Variants in SPTBN5 observed in about 807,000 individuals in gnomAD.
The protein encoded by SPTBN5 is spectrin beta, non-erythrocytic 5.
In SPTBN5, 513 loss-of-function variants were observed where a neutral mutation model predicts 477.6. That is an observed-to-expected ratio of 1.07 (90% CI 1.00 to 1.16). The LOEUF (loss-of-function observed/expected upper bound fraction) is 1.16. SPTBN5 is among the 50% of genes most tolerant of loss of function. SPTBN5 has a pLI of 0.00. For missense variants in SPTBN5, 5,062 were observed against 4,731.8 expected (o/e 1.07, Z -2.05); for synonymous variants, 2,169 against 2,011.7 (o/e 1.08, Z -2.09).
Position 41,876,660 on chromosome 15 carries a change from G to GGC in SPTBN5, c.3852-14_3852-13insGC. On this transcript the variant is annotated splice_polypyrimidine_tract_variant and intron_variant, in intron 19 of 67. Coordinates refer to ENST00000320955, the MANE Select transcript of SPTBN5 (RefSeq NM_016642.4). ...CTGCTCTCTGACCCTGGAGGGCGGGGGGGGGTTGGAGGAGGGCATGGGAGA... is the reference window on the plus strand; with the variant it reads ...CTGCTCTCTGACCCTGGAGGGCGGGGGCGGGGGTTGGAGGAGGGCATGGGAGA... The GGC allele has an allele frequency of 1.4e-6, 2 of 1,453,882 alleles. No individual in the cohort carries two copies. Among genetic ancestry groups the GGC allele is most frequent in the Admixed American group, 1.8e-5 (1 of 57,024 alleles). 90.1% of individuals were successfully genotyped at this position (1,453,882 alleles called of 1,614,324 possible).
At chr15:41,863,330 C>T (rs556081302) in intron 41 of SPTBN5, among the ~76,000 whole-genome samples, 23 of 152,302 alleles carry the variant, frequency 1.5e-4, no homozygotes, top group Admixed American at 3.3e-4. Flanking sequence ...GATTCCAGCC[C>T]GGGGCTCTGT....
rs532973937 is a variant in SPTBN5 at position 41,874,397 on chromosome 15, C to T, written c.4584G>A (p.Leu1528=). Residue 1528 remains leucine (L), a synonymous_variant, in exon 24 of 68, where the codon CTG becomes CTA. Transcript: ENST00000320955. ...CTACCCAAGAGAGCTCCATGTTGCT[C>T]AGGTGGCAGAACTGGTGCAGCTCCA... ...ASVELHQFCH[L]SNMELSWVAE... The T allele has an allele frequency of 8.7e-6, 14 of 1,613,744 alleles. No homozygotes were observed. Among genetic ancestry groups the T allele is most frequent in the Middle Eastern group, 3.3e-4 (2 of 6,006 alleles).
chr15:41,879,968 T>C (rs1197686), intron 14 of SPTBN5, 104 bp from the exon 15 acceptor site: 92,963 of 1,491,032 alleles, frequency 0.062, 4,267 homozygotes, highest in African/African-American at 0.2. Context: ...ACAGGGATGC[T>C]CATGCTGCCT....
Position 41,882,701 on chromosome 15 carries a change from A to T in SPTBN5, c.1930T>A (p.Phe644Ile), listed in dbSNP as rs1595505425. The change falls in exon 10 of 68, where the codon TTC (phenylalanine) becomes ATC (isoleucine). Residue 644 changes from phenylalanine (F) to isoleucine (I), a missense_variant. Physicochemically the swap from Phe to Ile is conservative, Grantham distance 21. Transcript: ENST00000320955. ...TCCTCCTCCTCACAGTTGCGCAGGA[A>T]CTCTGCCCGCTGCAGGGTCTGCTCC... ...LLEQTLQRAE[F>I]LRNCEEEEAW... The T allele has an allele frequency of 1.2e-6, 2 of 1,609,538 alleles. No individual in the cohort carries two copies. Among genetic ancestry groups the T allele is most frequent in the Non-Finnish European group, 1.7e-6 (2 of 1,178,360 alleles).
intron 3 of SPTBN5, among the ~76,000 whole-genome samples, chr15:41,891,715 A>G (rs925362181): frequency 8.5e-5 from 13 of 152,132 alleles, no homozygotes; most frequent in African/African-American, 3.1e-4. Context: ...GGCTTTGCTT[A>G]GTGGAGCCCA....
In SPTBN5 at chr15:41,853,692, G is replaced by T; in HGVS notation, c.9870C>A (p.Ala3290=). The T allele has an allele frequency of 6.2e-7, 1 of 1,601,994 alleles. No individual in the cohort carries two copies. ...QLHPAAPGGL[A]KVQEAWATLQ... ...GGGTGGCCCAGGCCTCCTGCACCTTGGCCAGGCCCCCCGGAGCTGCAGGAT... is the reference window on the plus strand; with the variant it reads ...GGGTGGCCCAGGCCTCCTGCACCTTTGCCAGGCCCCCCGGAGCTGCAGGAT... The change falls in exon 58 of 68, where the codon GCC becomes GCA. Residue 3290 remains alanine, a synonymous_variant. Transcript: ENST00000320955.
intron 31 of SPTBN5, 111 bp downstream of exon 31, chr15:41,870,132 C>T (rs2140941270): frequency 1.4e-6 from 2 of 1,456,888 alleles, no homozygotes; most frequent in East Asian, 2.5e-5. Context: ...CTGCCATGCA[C>T]AGGAGGCCCA....
At chr15:41,849,156 C>G (rs531141664) in intron 67 of SPTBN5, among the ~76,000 whole-genome samples, 1 of 152,356 alleles carries the variant, frequency 6.6e-6, no homozygotes, top group South Asian at 2.1e-4. Flanking sequence ...CCTCCACTTT[C>G]ACCTAACCTC....
chr15:41,878,074 G>A (rs1255072249), intron 17 of SPTBN5, among the ~76,000 whole-genome samples: 1 of 152,210 alleles, frequency 6.6e-6, no homozygotes, highest in African/African-American at 2.4e-5. Flanking sequence ...CACCTGGAGG[G>A]GGCCAGCCGG....
chr15:41,879,355 C>T lies in SPTBN5; in HGVS notation c.3087G>A (p.Gly1029=). The change falls in exon 16 of 68, where the codon GGG becomes GGA. Residue 1029 remains glycine, a synonymous_variant. Transcript: ENST00000320955. ...GGGCGTGGCAGGTGTCCTCTGAGCT[C>T]CCTGGCTGCAGGGCCTCCAGCTGGA... is the stretch of plus-strand genomic sequence containing the variant. ...VLLQLEALQP[G]SSEDTCHALQ... is the part of the protein sequence containing the mutation. 1 of 1,609,870 alleles carries T rather than the reference C, an allele frequency of 6.2e-7. No individual in the cohort carries two copies. Among genetic ancestry groups the T allele is most frequent in the Non-Finnish European group, 8.5e-7 (1 of 1,179,726 alleles).
intron 4 of SPTBN5, among the ~76,000 whole-genome samples, chr15:41,889,775 G>T (rs779018060): frequency 2.0e-5 from 3 of 152,232 alleles, no homozygotes; most frequent in Non-Finnish European, 4.4e-5. Flanking sequence ...TCAGTGCCAA[G>T]TGGGGAGCAC....
chr15:41,851,583 G>GC (rs771934985), intron 63 of SPTBN5, among the ~76,000 whole-genome samples, 196 bp downstream of exon 63: 8 of 149,430 alleles, frequency 5.4e-5, no homozygotes, highest in South Asian at 2.1e-4. Flanking sequence ...GCACCTCCTG[G>GC]TGGGGGTGGG....
Position 41,878,595 on chromosome 15 carries a change from G to C in SPTBN5, c.3217C>G (p.Leu1073Val), listed in dbSNP as rs927145552. ...TGCAGTGTCTCCACCTGTCCTTGCA[G>C]AGGCTGGCTCTCTGCGTAGCCTGGC... The part of the protein sequence containing the change: ...EEPGYAESQP[L>V]QGQVETLQGL... Residue 1073 changes from leucine (L) to valine (V), a missense_variant, in exon 17 of 68, where the codon CTG becomes GTG. Transcript: ENST00000320955. 1.9e-6 allele frequency: 3 copies of C among 1,612,540 alleles called. No homozygotes were observed. In the African/African-American group the frequency reaches 4.0e-5, roughly 22 times the overall value.
intron 48 of SPTBN5, 39 bp downstream of exon 48, chr15:41,858,848 CCTT>C: frequency 6.5e-7 from 1 of 1,548,712 alleles, no homozygotes; most frequent in Non-Finnish European, 8.7e-7. Context: ...TGGGTCGACT[CCTT>C]CCCCACCATG....
At chr15:41,856,245 G>T (rs1234768197) in intron 53 of SPTBN5, 141 bp downstream of exon 53, 1 of 777,048 alleles carries the variant, frequency 1.3e-6, no homozygotes, top group African/African-American at 1.8e-5. Context: ...GAAACATGTG[G>T]AAGGAAGCCC....
Position 41,855,534 on chromosome 15 carries a change from G to C in SPTBN5, c.9218+15C>G. On this transcript the variant is annotated intron_variant, in intron 54 of 67. Transcript: ENST00000320955. ...TTCTCTCTGCTCCTTCGCGGATGGTGTGGCTTCCGCCCACCTTTCTGGGTT... is the reference window on the plus strand; with the variant it reads ...TTCTCTCTGCTCCTTCGCGGATGGTCTGGCTTCCGCCCACCTTTCTGGGTT... 3 of 1,605,880 alleles carry C rather than the reference G, an allele frequency of 1.9e-6. No individual in the cohort carries two copies. The highest frequency in any genetic ancestry group is 1.7e-6 in the Non-Finnish European group (2 of 1,174,900).
chr15:41,891,800 C>G (rs1181481095), intron 3 of SPTBN5, among the ~76,000 whole-genome samples: 1 of 152,200 alleles, frequency 6.6e-6, no homozygotes, highest in Non-Finnish European at 1.5e-5. Context: ...CACACATTCC[C>G]TGTGTGTTTG....
At position 41,879,501 on chromosome 15, in the gene SPTBN5, T is replaced by A. The variant is rs569562836; in HGVS notation, c.2943-2A>T. 10 of 1,557,322 alleles carry A rather than the reference T, an allele frequency of 6.4e-6. No individual in the cohort carries two copies. In the South Asian group the frequency reaches 1.0e-4, roughly 16 times the overall value. On this transcript the variant is annotated splice_acceptor_variant, in intron 15 of 67. Transcript: ENST00000320955. LOFTEE classifies it high-confidence loss of function. ...TTCAGGGCCTCCAGCTGCCCCCACC[T>A]GGGCAGAGGGTACAAGGTTGTCTCC...
Position 41,852,249 on chromosome 15 carries a change from GA to G in SPTBN5, c.10516del (p.Ser3506ProfsTer12), listed in dbSNP as rs1391503857. On this transcript the variant is annotated frameshift_variant, in exon 62 of 68. Transcript: ENST00000320955. LOFTEE classifies it high-confidence loss of function. ...KPGRAGSSLT[S>X]FQWRPSGHQG... The stretch of plus-strand genomic sequence containing the variant: ...GTGTCCAGAGGGCCTCCACTGAAAG[GA>G]TGTCAGCGAGCTGCCAGCTCTCCCG... The G allele has an allele frequency of 5.0e-6, 8 of 1,610,422 alleles. No individual in the cohort carries two copies. The highest frequency in any genetic ancestry group is 5.9e-6 in the Non-Finnish European group (7 of 1,178,550).
Sources: allele counts gnomAD v4.1 joint callset (sites outside exome capture counted in the v4.1 genomes callset), GRCh38; gene constraint gnomAD v4.1.1; transcripts MANE v1.5; gene names NCBI Gene and HGNC (gene_info 2026-07-23, HGNC 2026-07-21).